Variants in SLC25A21 observed in about 807,000 individuals in gnomAD.
SLC25A21 encodes mitochondrial 2-oxodicarboxylate carrier.
Under a neutral mutation model 43.8 loss-of-function variants are expected in SLC25A21, and 47 were observed. The ratio of observed to expected loss-of-function variants is 1.07; its 90% CI spans 0.85 to 1.37. The LOEUF (loss-of-function observed/expected upper bound fraction) is 1.37. Ranked by LOEUF, SLC25A21 falls within the 40% of genes most tolerant of loss-of-function variation. The pLI, the probability that SLC25A21 is intolerant of heterozygous loss-of-function variation, is 0.00. For synonymous variants in SLC25A21, 131 were observed against 121.3 expected (o/e 1.08, Z -0.52); for missense variants, 352 against 350.2 (o/e 1.00, Z -0.04).
chr14:37,026,780 G>A (rs776682126), intron 1 of SLC25A21, among the ~76,000 whole-genome samples: 2 of 152,170 alleles, frequency 1.3e-5, no homozygotes, highest in Non-Finnish European at 2.9e-5. Context: ...AAGAGATGCA[G>A]TTAAGAAGTG....
chr14:37,100,667 C>T (rs1447701758), intron 1 of SLC25A21, among the ~76,000 whole-genome samples: 5 of 152,206 alleles, frequency 3.3e-5, no homozygotes, highest in Non-Finnish European at 7.3e-5. Flanking sequence ...TTCTCCATCC[C>T]TATGGACTAC....
chr14:37,063,036 GGAGAGA>G (rs1961982203), intron 1 of SLC25A21, among the ~76,000 whole-genome samples: 1 of 152,140 alleles, frequency 6.6e-6, no homozygotes, highest in Non-Finnish European at 1.5e-5. Flanking sequence ...CAGGGCAGCA[GGAGAGA>G]GAATGAGTGC....
intron 1 of SLC25A21, among the ~76,000 whole-genome samples, chr14:37,115,023 C>A (rs975919346): frequency 5.3e-5 from 8 of 152,004 alleles, no homozygotes; most frequent in African/African-American, 1.9e-4. Flanking sequence ...CATTTGTACC[C>A]AAAATAATAT....
chr14:36,750,504 C>T (rs1038385550), intron 3 of SLC25A21, among the ~76,000 whole-genome samples: 10 of 152,128 alleles, frequency 6.6e-5, no homozygotes, highest in African/African-American at 1.7e-4. Context: ...GTCTTATTCT[C>T]CTGGTTGTAT....
intron 2 of SLC25A21, among the ~76,000 whole-genome samples, chr14:36,858,892 T>C (rs1889983183): frequency 6.6e-6 from 1 of 152,252 alleles, no homozygotes; most frequent in Non-Finnish European, 1.5e-5. Flanking sequence ...CTATTTAACA[T>C]GAGTTTCCGT....
At chr14:37,170,000 A>C (rs536697383) in intron 1 of SLC25A21, among the ~76,000 whole-genome samples, 1 of 152,242 alleles carries the variant, frequency 6.6e-6, no homozygotes, top group East Asian at 1.9e-4. Context: ...CCAAATACTT[A>C]TCACTCAACA....
At chr14:37,052,488 T>C (rs1961729932) in intron 1 of SLC25A21, among the ~76,000 whole-genome samples, 3 of 152,226 alleles carry the variant, frequency 2.0e-5, no homozygotes, top group South Asian at 4.1e-4. Context: ...AATATCTTTG[T>C]TCTTTTAACA....
chr14:36,947,916 T>C (rs1298249528), intron 1 of SLC25A21, among the ~76,000 whole-genome samples: 1 of 152,202 alleles, frequency 6.6e-6, no homozygotes, highest in African/African-American at 2.4e-5. Flanking sequence ...AAATGATATG[T>C]ATGTGGAAAT....
At chr14:36,778,683 A>G (rs1229207027) in intron 3 of SLC25A21, among the ~76,000 whole-genome samples, 1 of 152,194 alleles carries the variant, frequency 6.6e-6, no homozygotes, top group Admixed American at 6.5e-5. Context: ...CCCCAGCTTT[A>G]TTGAAGTATG....
At chr14:37,021,683 A>C (rs1182327849) in intron 1 of SLC25A21, among the ~76,000 whole-genome samples, 4 of 151,918 alleles carry the variant, frequency 2.6e-5, no homozygotes, top group Non-Finnish European at 4.4e-5. Flanking sequence ...AACTGGTCTG[A>C]AAGTTGGGGG....
At chr14:37,102,989 CA>C (rs575225934) in intron 1 of SLC25A21, among the ~76,000 whole-genome samples, 1,613 of 121,932 alleles carry the variant, frequency 0.013, 17 homozygotes, top group African/African-American at 0.03. Context: ...GACTGTGTCT[CA>C]AAAAAAAAAA....
At chr14:36,907,051 A>T (rs1300958130) in intron 1 of SLC25A21, among the ~76,000 whole-genome samples, 1 of 152,120 alleles carries the variant, frequency 6.6e-6, no homozygotes, top group Non-Finnish European at 1.5e-5. Flanking sequence ...TGTGTAAGAA[A>T]ATAGGGGGAT....
At chr14:36,931,328 A>C (rs991143382) in intron 1 of SLC25A21, among the ~76,000 whole-genome samples, 1 of 152,142 alleles carries the variant, frequency 6.6e-6, no homozygotes, top group Non-Finnish European at 1.5e-5. Context: ...ATTCACTCTA[A>C]CCTGAGCCTT....
chr14:37,140,553 T>A (rs1963553176), intron 1 of SLC25A21, among the ~76,000 whole-genome samples: 1 of 152,186 alleles, frequency 6.6e-6, no homozygotes, highest in South Asian at 2.1e-4. Context: ...AACGAGAGCA[T>A]AAACACAAAA....
At chr14:36,680,877 G>A (rs946596919) in intron 9 of SLC25A21, among the ~76,000 whole-genome samples, 158 bp from the exon 10 acceptor site, 22 of 152,158 alleles carry the variant, frequency 1.4e-4, no homozygotes, top group African/African-American at 5.3e-4. Context: ...ATAAACTACT[G>A]TGGAAAATTC....
chr14:36,764,988 T>C (rs188219504), intron 3 of SLC25A21, among the ~76,000 whole-genome samples: 31 of 152,308 alleles, frequency 2.0e-4, no homozygotes, highest in African/African-American at 7.0e-4. Flanking sequence ...CCAAAACTAG[T>C]TGAGAGGCCA....
chr14:37,060,930 G>A (rs568246594), intron 1 of SLC25A21, among the ~76,000 whole-genome samples: 3 of 152,284 alleles, frequency 2.0e-5, no homozygotes, highest in South Asian at 2.1e-4. Flanking sequence ...TCCAGGGGAC[G>A]TTCTGCCCAA....
intron 1 of SLC25A21, among the ~76,000 whole-genome samples, chr14:37,036,476 G>A (rs761882655): frequency 2.6e-5 from 4 of 152,102 alleles, no homozygotes; most frequent in Non-Finnish European, 4.4e-5. Context: ...GGCTGGGTGC[G>A]GTGTTTCACA....
intron 1 of SLC25A21, among the ~76,000 whole-genome samples, chr14:37,033,187 C>T (rs1202998563): frequency 6.6e-6 from 1 of 152,154 alleles, no homozygotes; most frequent in African/African-American, 2.4e-5. Context: ...AATTTTACTA[C>T]TTTAGATACC....
Sources: allele counts gnomAD v4.1 joint callset (sites outside exome capture counted in the v4.1 genomes callset), GRCh38; gene constraint gnomAD v4.1.1; transcripts MANE v1.5; gene names NCBI Gene and HGNC (gene_info 2026-07-23, HGNC 2026-07-21).